The following PIAS1 variants were observed in gnomAD, a reference collection of about 807,000 sequenced individuals.
PIAS1 encodes the protein protein inhibitor of activated STAT 1, also known as E3 SUMO-protein ligase PIAS1.
PIAS1 carries 6 observed loss-of-function variants against 71.3 expected under a neutral mutation model. That is an observed-to-expected ratio of 0.08 (90% CI 0.05 to 0.17). The LOEUF is 0.17. Among genes scored for constraint, PIAS1 ranks in the 10% least tolerant of loss-of-function variants. The pLI is 1.00. For synonymous variants in PIAS1, 303 were observed against 292.9 expected (o/e 1.03, Z -0.35); for missense variants, 555 against 793.6 (o/e 0.70, Z 3.61).
At chr15:68,169,727 T>G (rs1004682369) in intron 8 of PIAS1, among the ~76,000 whole-genome samples, 5 of 152,226 alleles carry the variant, frequency 3.3e-5, no homozygotes, top group African/African-American at 1.2e-4. Context: ...GTGGGTCTCC[T>G]AGTGTACAAA....
intron 9 of PIAS1, 28 bp from the exon 10 acceptor site, chr15:68,175,609 A>T (rs2093015997): frequency 7.8e-7 from 1 of 1,274,098 alleles, no homozygotes; most frequent in Non-Finnish European, 1.1e-6. Context: ...TTTAAAATAT[A>T]TTCTAAGGAT....
rs550141915 is a variant in PIAS1, at chr15:68,178,623, T to C, written c.1481+1969T>C. On this transcript the variant is annotated intron_variant, in intron 11 of 13. Transcript: ENST00000249636. This position sits in a 1 kb window ranked among gnomAD's most constrained non-coding sequence, Gnocchi z 4.2. ...TAGTATGACCAAATACACATTGTCA[T>C]GTGATTTTTTTAAGTGCCATAATCA... 2.6e-5 allele frequency among the ~76,000 whole-genome samples: 4 copies of C among 152,332 alleles called. No individual in the cohort carries two copies. In the East Asian group the frequency reaches 7.7e-4, roughly 29 times the overall value.
intron 1 of PIAS1, among the ~76,000 whole-genome samples, chr15:68,081,900 T>C (rs2092232902): frequency 1.3e-5 from 2 of 151,086 alleles, no homozygotes; most frequent in Admixed American, 1.3e-4. Context: ...TATCAGTTTA[T>C]GCAATTAAAA....
intron 1 of PIAS1, among the ~76,000 whole-genome samples, chr15:68,069,780 G>C (rs1339475219): frequency 6.8e-6 from 1 of 147,228 alleles, no homozygotes; most frequent in Non-Finnish European, 1.5e-5. Flanking sequence ...CTCCAGCCTG[G>C]GTGACAGAGC....
chr15:68,083,780 C>A (rs963242713), intron 1 of PIAS1, among the ~76,000 whole-genome samples: 144 of 145,412 alleles, frequency 9.9e-4, no homozygotes, highest in African/African-American at 3.5e-3. Context: ...AAAAAAAAAA[C>A]ACCCAGTTAC....
intron 1 of PIAS1, among the ~76,000 whole-genome samples, chr15:68,081,830 T>G (rs557202610): frequency 5.9e-5 from 9 of 151,928 alleles, no homozygotes; most frequent in African/African-American, 2.2e-4. Context: ...AAGATTATTG[T>G]AAGAAAACTT....
At position 68,178,721 on chromosome 15, in the gene PIAS1, ATTTG is replaced by A. The variant is rs1422849904; in HGVS notation, c.1481+2070_1481+2073del. Among the ~76,000 whole-genome samples, 10 of 152,184 alleles carry A rather than the reference ATTTG, an allele frequency of 6.6e-5. No individual in the cohort carries two copies. The highest frequency in any genetic ancestry group is 5.2e-4 in the Admixed American group (8 of 15,290). On this transcript the variant is annotated intron_variant, in intron 11 of 13. Transcript: ENST00000249636. The surrounding 1 kb of genome is among the most constrained non-coding windows in gnomAD (Gnocchi z 4.2). ...GGGCTAAATGCATCATAATATATAT[ATTTG>A]TTCTGTTCTTTAGACTATTAATAGT...
At chr15:68,149,326 CTTT>C (rs562772014) in intron 6 of PIAS1, among the ~76,000 whole-genome samples, 2 of 127,536 alleles carry the variant, frequency 1.6e-5, no homozygotes, top group Non-Finnish European at 1.7e-5. Context: ...TCCTGCATTA[CTTT>C]TTTTTTTTTT....
At chr15:68,083,554 T>G (rs770726011) in intron 1 of PIAS1, among the ~76,000 whole-genome samples, 9 of 152,154 alleles carry the variant, frequency 5.9e-5, no homozygotes, top group Non-Finnish European at 1.0e-4. Context: ...TAAATTAATC[T>G]TCAAATAGGT....
At chr15:68,102,564 C>T (rs1296997131) in intron 2 of PIAS1, among the ~76,000 whole-genome samples, 1 of 152,126 alleles carries the variant, frequency 6.6e-6, no homozygotes, top group Non-Finnish European at 1.5e-5. Context: ...TTTGAGCCTT[C>T]CAGTATATGA....
chr15:68,100,298 G>A (rs1346551902), intron 2 of PIAS1, among the ~76,000 whole-genome samples: 2 of 152,082 alleles, frequency 1.3e-5, no homozygotes, highest in African/African-American at 4.8e-5. Flanking sequence ...AGTTGTATTT[G>A]CAGTCATGTG....
chr15:68,145,989 T>G, intron 5 of PIAS1, 83 bp downstream of exon 5: 1 of 857,552 alleles, frequency 1.2e-6, no homozygotes, highest in Non-Finnish European at 2.0e-6. Flanking sequence ...AAATCATAGT[T>G]TTTCCTTAAG....
At position 68,117,214 on chromosome 15, in the gene PIAS1, A is replaced by G. The variant is rs529064313; in HGVS notation, c.470-24732A>G. ...GTATTTCTCCTCCCTCAGCCTCCCG[A>G]GTAGCTGGGACTACAGGTGTGCGCC... On this transcript the variant is annotated intron_variant, in intron 2 of 13. Transcript: ENST00000249636. Among the ~76,000 whole-genome samples the G allele has an allele frequency of 5.3e-5, 8 of 152,106 alleles. No individual in the cohort carries two copies. The East Asian group carries it at 1.4e-3, about 26-fold the overall frequency.
chr15:68,146,474 G>T, intron 5 of PIAS1, 92 bp from the exon 6 acceptor site: 1 of 812,602 alleles, frequency 1.2e-6, no homozygotes, highest in Non-Finnish European at 2.0e-6. Flanking sequence ...ATATTTTCTA[G>T]TATGCAGTTT....
Position 68,173,765 on chromosome 15 carries a change from G to A in PIAS1, c.1042G>A (p.Ala348Thr). The A allele has an allele frequency of 6.4e-7, 1 of 1,566,572 alleles. No homozygotes were observed. Among genetic ancestry groups the A allele is most frequent in the Non-Finnish European group, 8.7e-7 (1 of 1,149,112 alleles). ...GKMRLTIPCR[A>T]LTCSHLQCFD... The stretch of plus-strand genomic sequence containing the variant: ...AATGCGGCTGACAATTCCGTGTCGG[G>A]CCCTTACATGTTCTCATCTACAATG... The change falls in exon 9 of 14, where the codon GCC becomes ACC. Residue 348 changes from alanine to threonine, a missense_variant. Physicochemically the swap from Ala to Thr is moderately conservative, Grantham distance 58. Around this residue, in one of 5 missense-constraint regions of PIAS1, gnomAD observed 49 missense variants for 129.2 expected, o/e 0.38. Coordinates refer to ENST00000249636, the MANE Select transcript of PIAS1 (RefSeq NM_016166.3). This position sits in a 1 kb window ranked among gnomAD's most constrained non-coding sequence, Gnocchi z 4.3.
At chr15:68,105,035 G>A (rs1397739603) in intron 2 of PIAS1, among the ~76,000 whole-genome samples, 3 of 152,162 alleles carry the variant, frequency 2.0e-5, no homozygotes, top group African/African-American at 7.2e-5. Flanking sequence ...AGGTGGGTTA[G>A]GTTTAAGAAA....
chr15:68,150,919 G>A (rs886818994), intron 6 of PIAS1, among the ~76,000 whole-genome samples: 16 of 151,990 alleles, frequency 1.1e-4, no homozygotes, highest in African/African-American at 3.6e-4. Flanking sequence ...CAAGCATTTC[G>A]GATCAGGGAT....
intron 11 of PIAS1, 29 bp downstream of exon 11, chr15:68,176,683 G>A (rs770005437): frequency 2.1e-6 from 3 of 1,416,294 alleles, no homozygotes; most frequent in Admixed American, 2.4e-5. Context: ...AAAAAAAAAA[G>A]TAATCATGAA....
chr15:68,124,303 A>G (rs559155442), intron 2 of PIAS1, among the ~76,000 whole-genome samples: 2 of 152,306 alleles, frequency 1.3e-5, no homozygotes, highest in South Asian at 4.1e-4. Context: ...GGAAGATCTC[A>G]TCTTTATCCT....
Sources: gnomAD v4.1 joint callset for allele counts (sites outside exome capture counted in the v4.1 genomes callset) on GRCh38, gnomAD v4.1.1 for gene constraint, gnomAD v4.1.1 regional missense constraint, Gnocchi (gnomAD v3.1) non-coding constraint, MANE v1.5 for transcripts, NCBI Gene and HGNC (gene_info 2026-07-23, HGNC 2026-07-21) for gene names.